Variants in PHF21B observed in about 807,000 individuals in gnomAD.
PHF21B encodes the protein PHD finger protein 4.
In PHF21B, 22 loss-of-function variants were observed where a neutral mutation model predicts 62.2. The ratio of observed to expected loss-of-function variants is 0.35; its 90% CI spans 0.25 to 0.51. The LOEUF (loss-of-function observed/expected upper bound fraction) is 0.51, where lower values mean the gene tolerates loss of function less well. Among genes scored for constraint, PHF21B ranks in the 20% least tolerant of loss-of-function variants. The pLI is 0.97. For synonymous variants in PHF21B, 341 were observed against 314.7 expected (o/e 1.08, Z -0.88); for missense variants, 701 against 707.9 (o/e 0.99, Z 0.11).
intron 2 of PHF21B, chr22:44,989,550 A>G (rs958095025): frequency 6.6e-6 from 1 of 152,028 alleles, no homozygotes; most frequent in Non-Finnish European, 1.5e-5. Context: ...GAGAGGAAAA[A>G]AGAAAACACA....
chr22:45,009,693 G>T lies in PHF21B; in HGVS notation c.-144C>A. On this transcript the variant is annotated 5_prime_UTR_variant, in exon 1 of 13. Coordinates refer to ENST00000313237, the MANE Select transcript of PHF21B (RefSeq NM_138415.5). The surrounding 1 kb of genome is among the most constrained non-coding windows in gnomAD (Gnocchi z 5.9). ...GACACGAGCCCCCTCCCCCACGGCC[G>T]AAAGGGAAGGGGGCTGGCGAAGGGG... 2.8e-6 allele frequency: 2 copies of T among 726,130 alleles called. No individual in the cohort carries two copies. The highest frequency in any genetic ancestry group is 2.3e-5 in the South Asian group (1 of 43,924). The allele number at this position is 726,130 out of a possible 1,614,324, so 45.0% of individuals were successfully genotyped here.
Position 44,920,379 on chromosome 22 carries a change from C to T in PHF21B, c.213+19G>A, listed in dbSNP as rs763232212. The T allele has an allele frequency of 1.9e-6, 3 of 1,588,936 alleles. No individual in the cohort carries two copies. Among genetic ancestry groups the T allele is most frequent in the Non-Finnish European group, 2.6e-6 (3 of 1,164,618 alleles). ...GACAGACAGACGGACACCCCAGGGCCCGCCCGAGGGCTGCTTACCTGAGGT... is the reference window on the plus strand; with the variant it reads ...GACAGACAGACGGACACCCCAGGGCTCGCCCGAGGGCTGCTTACCTGAGGT... On this transcript the variant is annotated intron_variant, in intron 3 of 12. Transcript: ENST00000313237.
At chr22:44,929,207 C>T (rs142418981) in intron 2 of PHF21B, among the ~76,000 whole-genome samples, 1 of 152,372 alleles carries the variant, frequency 6.6e-6, no homozygotes, top group African/African-American at 2.4e-5. Flanking sequence ...ACCACTTTTA[C>T]TGTCATGTGA....
intron 2 of PHF21B, among the ~76,000 whole-genome samples, chr22:44,921,356 GTTCT>G (rs2071531791): frequency 8.4e-6 from 1 of 119,110 alleles, no homozygotes; most frequent in Admixed American, 8.0e-5. Context: ...AACCGGAACA[GTTCT>G]TTTTTTTTTT....
chr22:44,929,346 T>C (rs1169169036), intron 2 of PHF21B, among the ~76,000 whole-genome samples: 2 of 152,224 alleles, frequency 1.3e-5, no homozygotes, highest in African/African-American at 4.8e-5. Context: ...TGTCCCCATT[T>C]GGTGTCCCCC....
At chr22:44,921,143 C>G (rs569269591) in intron 2 of PHF21B, among the ~76,000 whole-genome samples, 1 of 152,176 alleles carries the variant, frequency 6.6e-6, no homozygotes, top group Non-Finnish European at 1.5e-5. Context: ...CCCCCAAATC[C>G]CAGCCCCCCA....
chr22:44,974,351 C>T (rs2072696215), intron 2 of PHF21B, among the ~76,000 whole-genome samples: 1 of 151,252 alleles, frequency 6.6e-6, no homozygotes, highest in Admixed American at 6.6e-5. Context: ...GAGGTTGAGA[C>T]TGCAGTGAGC....
At chr22:44,995,332 C>A (rs543106234) in intron 2 of PHF21B, among the ~76,000 whole-genome samples, 24 of 152,290 alleles carry the variant, frequency 1.6e-4, no homozygotes, top group African/African-American at 5.8e-4. Context: ...TGAGAGGCAG[C>A]GTTCCCCATT....
At position 44,889,872 on chromosome 22, in the gene PHF21B, G is replaced by C. The variant is rs567926485; in HGVS notation, c.1016-90C>G. 1.3e-5 allele frequency: 18 copies of C among 1,352,904 alleles called. No homozygotes were observed. In the South Asian group the frequency reaches 3.1e-4, roughly 23 times the overall value. The allele number at this position is 1,352,904 out of a possible 1,614,324, so 83.8% of individuals were successfully genotyped here. On this transcript the variant is annotated intron_variant, in intron 8 of 12. Transcript: ENST00000313237. ...GAGTCCATGAGGCCTCATGTGGCAA[G>C]GGCTCTTACCCCAGGGCATGATGGG...
chr22:44,909,996 G>C (rs1569221418), intron 5 of PHF21B, among the ~76,000 whole-genome samples: 1 of 152,194 alleles, frequency 6.6e-6, no homozygotes, highest in Non-Finnish European at 1.5e-5. Flanking sequence ...AGTTTTCCAA[G>C]GGCAAGGACC....
chr22:44,890,085 C>G (rs1212160004), intron 8 of PHF21B, among the ~76,000 whole-genome samples: 1 of 151,754 alleles, frequency 6.6e-6, no homozygotes, highest in Non-Finnish European at 1.5e-5. Flanking sequence ...CTGGGCTCAC[C>G]CCAGGGCATG....
intron 2 of PHF21B, among the ~76,000 whole-genome samples, chr22:44,944,236 G>A (rs1413942140): frequency 6.6e-6 from 1 of 152,242 alleles, no homozygotes; most frequent in African/African-American, 2.4e-5. Flanking sequence ...GCCCTGAGCA[G>A]AAGCTGAAAA....
chr22:44,911,420 G>A (rs1000087375), intron 5 of PHF21B, among the ~76,000 whole-genome samples: 45 of 152,122 alleles, frequency 3.0e-4, no homozygotes, highest in African/African-American at 9.7e-4. Flanking sequence ...TAGAGGTTTA[G>A]GAGGAAAAAA....
At chr22:44,974,931 T>C (rs2072709440) in intron 2 of PHF21B, among the ~76,000 whole-genome samples, 1 of 152,188 alleles carries the variant, frequency 6.6e-6, no homozygotes. Context: ...CAAAATGAAA[T>C]GTGAATTAAC....
At chr22:44,935,563 G>A (rs567595414) in intron 2 of PHF21B, among the ~76,000 whole-genome samples, 137 of 151,996 alleles carry the variant, frequency 9.0e-4, no homozygotes, top group African/African-American at 2.9e-3. Context: ...GCAGTGAGCC[G>A]AGATCGAGCC....
At chr22:44,888,484 G>A (rs1355814140) in intron 9 of PHF21B, among the ~76,000 whole-genome samples, 3 of 139,814 alleles carry the variant, frequency 2.1e-5, no homozygotes, top group African/African-American at 8.9e-5. Flanking sequence ...ACAGCCCCCT[G>A]AGGGTCTGTG....
At chr22:44,943,235 C>T (rs1004122640) in intron 2 of PHF21B, among the ~76,000 whole-genome samples, 1 of 152,136 alleles carries the variant, frequency 6.6e-6, no homozygotes, top group African/African-American at 2.4e-5. Flanking sequence ...GAGCCCGTCC[C>T]CAGGAGCACA....
Position 44,937,695 on chromosome 22 carries a change from G to A in PHF21B, c.121-17205C>T, listed in dbSNP as rs148474049. Among the ~76,000 whole-genome samples the A allele has an allele frequency of 5.3e-3, 814 of 152,322 alleles. 3 individuals carry two copies. Among genetic ancestry groups the A allele is most frequent in the Non-Finnish European group, 8.9e-3 (603 of 68,022 alleles). On this transcript the variant is annotated intron_variant, in intron 2 of 12. Transcript: ENST00000313237. ...AAAACAACTCAAATGTCCATCAACT[G>A]GTGAGTGGGCAAACCTACTGTGGGA...
intron 2 of PHF21B, among the ~76,000 whole-genome samples, chr22:44,952,599 G>A (rs1374425499): frequency 3.3e-5 from 5 of 152,238 alleles, no homozygotes; most frequent in South Asian, 2.1e-4. Flanking sequence ...AATCACTAAC[G>A]GTGACTGCCT....
Sources: allele counts gnomAD v4.1 joint callset (sites outside exome capture counted in the v4.1 genomes callset), GRCh38; gene constraint gnomAD v4.1.1; non-coding constraint Gnocchi (gnomAD v3.1); transcripts MANE v1.5; gene names NCBI Gene and HGNC (gene_info 2026-07-23, HGNC 2026-07-21).